Variants in CCSER1 observed in about 807,000 individuals in gnomAD.
CCSER1 encodes serine-rich coiled-coil domain-containing protein 1.
In CCSER1, 41 loss-of-function variants were observed where a neutral mutation model predicts 82.0. The ratio of observed to expected loss-of-function variants is 0.50; its 90% CI spans 0.39 to 0.65. The LOEUF (loss-of-function observed/expected upper bound fraction) is 0.65, where lower values mean the gene tolerates loss of function less well. Ranked by LOEUF, CCSER1 falls within the 30% of genes least tolerant of loss-of-function variation. The pLI is 0.00. For synonymous variants in CCSER1, 414 were observed against 383.9 expected (o/e 1.08, Z -0.92); for missense variants, 1,119 against 1,064.2 (o/e 1.05, Z -0.72).
chr4:90,894,824 A>T (rs1723472403), intron 8 of CCSER1, among the ~76,000 whole-genome samples: 1 of 151,994 alleles, frequency 6.6e-6, no homozygotes, highest in Admixed American at 6.6e-5. Context: ...TTACTATATG[A>T]GTGATTACAG....
intron 10 of CCSER1, among the ~76,000 whole-genome samples, chr4:91,386,626 C>A (rs975800123): frequency 7.9e-5 from 12 of 152,054 alleles, no homozygotes; most frequent in African/African-American, 2.9e-4. Context: ...CTCCTACAGA[C>A]TGCCAATAAG....
chr4:91,100,470 G>A (rs1337832057), intron 10 of CCSER1, among the ~76,000 whole-genome samples: 1 of 152,030 alleles, frequency 6.6e-6, no homozygotes, highest in African/African-American at 2.4e-5. Flanking sequence ...TTTACTGTCT[G>A]CGTTGACTAG....
intron 10 of CCSER1, among the ~76,000 whole-genome samples, chr4:91,379,445 A>C (rs894140136): frequency 1.3e-5 from 2 of 152,068 alleles, no homozygotes; most frequent in Admixed American, 1.3e-4. Flanking sequence ...TTATTGGTCT[A>C]TTCAGGGATT....
intron 10 of CCSER1, among the ~76,000 whole-genome samples, chr4:91,155,219 T>C (rs1335263019): frequency 6.6e-6 from 1 of 151,732 alleles, no homozygotes; most frequent in East Asian, 1.9e-4. Flanking sequence ...AGGGACCTGC[T>C]AGGAGGTAAT....
intron 5 of CCSER1, among the ~76,000 whole-genome samples, chr4:90,494,572 T>G (rs182102741): frequency 1.3e-4 from 20 of 152,324 alleles, no homozygotes; most frequent in African/African-American, 4.6e-4. Context: ...CTTTGAAATT[T>G]GAACAAACTA....
In CCSER1 at chr4:90,723,978, C is replaced by T; in HGVS notation, c.1997C>T (p.Pro666Leu). The T allele has an allele frequency of 6.4e-7, 1 of 1,566,882 alleles. No individual in the cohort carries two copies. The highest frequency in any genetic ancestry group is 8.7e-7 in the Non-Finnish European group (1 of 1,152,416). The change falls in exon 7 of 11, where the codon CCA becomes CTA. Residue 666 changes from proline to leucine, a missense_variant. Transcript: ENST00000509176. ...CCTGTTAGTCCTCTTACTGAAGAGC[C>T]AGTGCCTTTCAAGGTAAAAAACAAA... Reference protein sequence around the residue: ...SLPVSPLTEEPVPFKDIMKDE... With the variant: ...SLPVSPLTEELVPFKDIMKDE...
chr4:91,400,218 T>G (rs1752234877), intron 10 of CCSER1, among the ~76,000 whole-genome samples: 1 of 152,010 alleles, frequency 6.6e-6, no homozygotes, highest in Non-Finnish European at 1.5e-5. Flanking sequence ...TTTTCAGATT[T>G]AATAAATGCA....
intron 10 of CCSER1, among the ~76,000 whole-genome samples, chr4:91,515,746 A>G (rs901750397): frequency 1.3e-5 from 2 of 151,966 alleles, no homozygotes; most frequent in African/African-American, 4.8e-5. Flanking sequence ...TTGAAGGGTA[A>G]TTCTCTTTTT....
At chr4:90,928,946 C>T (rs949552082) in intron 9 of CCSER1, among the ~76,000 whole-genome samples, 1 of 152,002 alleles carries the variant, frequency 6.6e-6, no homozygotes, top group Non-Finnish European at 1.5e-5. Context: ...AGGGAACAGC[C>T]GACGCAACTT....
intron 10 of CCSER1, among the ~76,000 whole-genome samples, chr4:91,188,010 A>T (rs1451713285): frequency 1.3e-5 from 2 of 152,094 alleles, no homozygotes; most frequent in Admixed American, 6.5e-5. Flanking sequence ...GAATTATCTT[A>T]GTATATTTAC....
chr4:90,137,091 C>A (rs1205291871), intron 1 of CCSER1, among the ~76,000 whole-genome samples: 1 of 152,066 alleles, frequency 6.6e-6, no homozygotes, highest in East Asian at 1.9e-4. Context: ...ATATTGTATT[C>A]ATGTATAAAT....
At chr4:90,407,084 G>C (rs995151739) in intron 4 of CCSER1, among the ~76,000 whole-genome samples, 1 of 151,800 alleles carries the variant, frequency 6.6e-6, no homozygotes, top group African/African-American at 2.4e-5. Context: ...CTTTTTCTTC[G>C]AAAAAAATAA....
intron 10 of CCSER1, among the ~76,000 whole-genome samples, chr4:91,422,006 G>GT (rs1314705534): frequency 6.6e-6 from 1 of 152,008 alleles, no homozygotes; most frequent in African/African-American, 2.4e-5. Flanking sequence ...GGGGACCTCA[G>GT]TTCTACAACT....
At chr4:90,316,350 T>G (rs1736160740) in intron 3 of CCSER1, among the ~76,000 whole-genome samples, 1 of 152,216 alleles carries the variant, frequency 6.6e-6, no homozygotes, top group South Asian at 2.1e-4. Context: ...TTTTCAATTG[T>G]TTGCATCAAT....
chr4:90,649,934 A>T lies in CCSER1; in HGVS notation c.1932+21702A>T, dbSNP rs150794872. Among the ~76,000 whole-genome samples, 96 of 152,100 alleles carry T rather than the reference A, an allele frequency of 6.3e-4. 1 individual carries two copies. The East Asian group carries it at 0.015, about 24-fold the overall frequency. The stretch of plus-strand genomic sequence containing the variant: ...AGCCTGGCCAAAATGGCGAAACCCC[A>T]TCTCTGCTAAACAAAAATTAGCCTG... On this transcript the variant is annotated intron_variant, in intron 6 of 10. Coordinates refer to ENST00000509176, the MANE Select transcript of CCSER1 (RefSeq NM_001145065.2).
intron 9 of CCSER1, among the ~76,000 whole-genome samples, chr4:90,946,309 C>A (rs535368532): frequency 9.4e-4 from 143 of 152,184 alleles, no homozygotes; most frequent in African/African-American, 3.4e-3. Flanking sequence ...CAACAGCAAA[C>A]TCAAGAAAGA....
chr4:90,661,093 A>G (rs1169252191), intron 6 of CCSER1, among the ~76,000 whole-genome samples: 1 of 152,188 alleles, frequency 6.6e-6, no homozygotes, highest in East Asian at 1.9e-4. Flanking sequence ...GAAATACTGC[A>G]TCTCTGAAAT....
At chr4:90,809,775 C>T (rs372482198) in intron 7 of CCSER1, among the ~76,000 whole-genome samples, 6 of 151,914 alleles carry the variant, frequency 3.9e-5, no homozygotes, top group African/African-American at 1.2e-4. Context: ...GCCTGCAGTC[C>T]TAGCTACTTG....
At chr4:91,560,846 A>T (rs1293863804) in intron 10 of CCSER1, among the ~76,000 whole-genome samples, 3 of 151,336 alleles carry the variant, frequency 2.0e-5, no homozygotes, top group Non-Finnish European at 4.4e-5. Context: ...AAAGAACAAC[A>T]TATTGTTCTT....
Sources: allele counts gnomAD v4.1 joint callset (sites outside exome capture counted in the v4.1 genomes callset), GRCh38; gene constraint gnomAD v4.1.1; transcripts MANE v1.5; gene names NCBI Gene and HGNC (gene_info 2026-07-23, HGNC 2026-07-21).